Variants in CELF2 observed in about 807,000 individuals in gnomAD.
The protein encoded by CELF2 is CUG triplet repeat RNA-binding protein 2.
In CELF2, 8 loss-of-function variants were observed where a neutral mutation model predicts 62.6. The observed-to-expected ratio is 0.13, with a 90% CI of 0.07 to 0.23. The LOEUF is 0.23. CELF2 is among the 10% of genes least tolerant of loss of function. The pLI, the probability that CELF2 is intolerant of heterozygous loss-of-function variation, is 1.00. For synonymous variants in CELF2, 258 were observed against 250.0 expected (o/e 1.03, Z -0.30); for missense variants, 333 against 671.0 (o/e 0.50, Z 5.56).
the CELF2 span, among the ~76,000 whole-genome samples, chr10:10,568,309 A>G: frequency 6.6e-6 from 1 of 151,578 alleles, no homozygotes; most frequent in Non-Finnish European, 1.5e-5. Context: ...ATGAGTCCGG[A>G]GAAAAAAAAA....
chr10:11,052,495 G>T (rs186350663), intron 1 of CELF2, among the ~76,000 whole-genome samples: 1 of 152,068 alleles, frequency 6.6e-6, no homozygotes, highest in African/African-American at 2.4e-5. Flanking sequence ...ATTGTTGCAC[G>T]GTCCTTGGGT....
In CELF2 at chr10:11,302,466, T is replaced by A. The variant is rs1476808731; in HGVS notation, c.977-11673T>A. ...CTGTAACTTTACAGTAACGATCTTC[T>A]CCATTAAATGTGTCTGTGGCTGCAG... On this transcript the variant is annotated intron_variant, in intron 9 of 12. Coordinates refer to ENST00000633077, the MANE Select transcript of CELF2 (RefSeq NM_001326342.2). The surrounding 1 kb of genome is among the most constrained non-coding windows in gnomAD (Gnocchi z 5.0). Among the ~76,000 whole-genome samples the A allele has an allele frequency of 6.6e-6, 1 of 152,172 alleles. No individual in the cohort carries two copies. The highest frequency in any genetic ancestry group is 1.5e-5 in the Non-Finnish European group (1 of 68,028).
chr10:11,056,540 G>A (rs2065279340), intron 1 of CELF2, among the ~76,000 whole-genome samples: 1 of 152,240 alleles, frequency 6.6e-6, no homozygotes, highest in Non-Finnish European at 1.5e-5. Flanking sequence ...AAAGATGGAT[G>A]TGGTTGGATC....
chr10:10,723,408 G>C, the CELF2 span, among the ~76,000 whole-genome samples: 1 of 152,210 alleles, frequency 6.6e-6, no homozygotes, highest in Non-Finnish European at 1.5e-5. Context: ...CATCAACAGA[G>C]AGCTGCCCTA....
chr10:10,647,608 G>C, the CELF2 span, among the ~76,000 whole-genome samples: 1 of 152,110 alleles, frequency 6.6e-6, no homozygotes, highest in East Asian at 1.9e-4. Flanking sequence ...GTGCCTCCGT[G>C]GACAGCACTT....
intron 1 of CELF2, among the ~76,000 whole-genome samples, chr10:10,866,058 G>A (rs1048227839): frequency 6.6e-6 from 1 of 152,090 alleles, no homozygotes; most frequent in Non-Finnish European, 1.5e-5. Flanking sequence ...TGGTAGGCAT[G>A]TTCACACTGG....
At chr10:10,943,115 C>T (rs2047230224) in intron 2 of CELF2, among the ~76,000 whole-genome samples, 1 of 152,206 alleles carries the variant, frequency 6.6e-6, no homozygotes, top group Non-Finnish European at 1.5e-5. Flanking sequence ...GTTGTCCTTC[C>T]TGTCTATATA....
chr10:11,214,732 G>A lies in CELF2; in HGVS notation c.272-2693G>A, dbSNP rs1317875331. ...CACACTGGAACTAGAGCTTCTCTTG[G>A]CATGATGTTAAAGAATACCTGTTTA... On this transcript the variant is annotated intron_variant, in intron 2 of 12. Coordinates refer to ENST00000633077, the MANE Select transcript of CELF2 (RefSeq NM_001326342.2). This position sits in a 1 kb window ranked among gnomAD's most constrained non-coding sequence, Gnocchi z 4.2. 6.6e-6 allele frequency among the ~76,000 whole-genome samples: 1 copy of A among 152,198 alleles called. No individual in the cohort carries two copies. Among genetic ancestry groups the A allele is most frequent in the Non-Finnish European group, 1.5e-5 (1 of 68,042 alleles).
the CELF2 span, among the ~76,000 whole-genome samples, chr10:10,571,765 T>A: frequency 1.3e-5 from 2 of 152,068 alleles, no homozygotes; most frequent in Admixed American, 1.3e-4. Flanking sequence ...TCTAATGGAG[T>A]GACCGTGGGT....
chr10:10,894,973 C>T (rs545377938), intron 1 of CELF2, among the ~76,000 whole-genome samples: 16 of 152,206 alleles, frequency 1.1e-4, no homozygotes, highest in South Asian at 1.0e-3. Context: ...AATATGAGTC[C>T]GTATTCATTG....
chr10:10,671,573 T>C, the CELF2 span, among the ~76,000 whole-genome samples: 1 of 152,202 alleles, frequency 6.6e-6, no homozygotes, highest in African/African-American at 2.4e-5. Context: ...GAGTTCCTGT[T>C]ACTCACATCC....
chr10:11,040,240 A>G (rs945249386), intron 1 of CELF2, among the ~76,000 whole-genome samples: 10 of 152,192 alleles, frequency 6.6e-5, no homozygotes, highest in Non-Finnish European at 1.3e-4. Flanking sequence ...GCCTCCAACA[A>G]TATGGAGATA....
At chr10:10,658,670 G>T in the CELF2 span, among the ~76,000 whole-genome samples, 1 of 152,160 alleles carries the variant, frequency 6.6e-6, no homozygotes, top group Non-Finnish European at 1.5e-5. Flanking sequence ...GGCATCTTCA[G>T]GAAGTCAAAC....
At chr10:10,956,806 C>T (rs1445976898) in intron 2 of CELF2, among the ~76,000 whole-genome samples, 9 of 152,110 alleles carry the variant, frequency 5.9e-5, no homozygotes, top group Admixed American at 3.3e-4. Context: ...TTGTGGTGTG[C>T]ACCTATAGTC....
At chr10:11,118,173 C>T (rs988373408) in intron 1 of CELF2, among the ~76,000 whole-genome samples, 9 of 151,912 alleles carry the variant, frequency 5.9e-5, no homozygotes, top group Non-Finnish European at 8.8e-5. Flanking sequence ...TTTAGTAGCG[C>T]CAACTGAGGG....
the CELF2 span, among the ~76,000 whole-genome samples, chr10:10,540,186 G>T: frequency 6.6e-6 from 1 of 152,174 alleles, no homozygotes; most frequent in Non-Finnish European, 1.5e-5. Context: ...TTTTAACAGT[G>T]TCACAGTCCC....
the CELF2 span, among the ~76,000 whole-genome samples, chr10:10,463,213 G>T: frequency 6.6e-6 from 1 of 152,126 alleles, no homozygotes; most frequent in African/African-American, 2.4e-5. Flanking sequence ...TGCTAACTTT[G>T]TTCCTCAAAA....
At chr10:10,742,262 A>G in the CELF2 span, among the ~76,000 whole-genome samples, 3 of 152,212 alleles carry the variant, frequency 2.0e-5, no homozygotes, top group Non-Finnish European at 2.9e-5. Flanking sequence ...CCAAGAACCT[A>G]TTAACAAGGT....
chr10:11,321,098 G>A lies in CELF2; in HGVS notation c.1097-91G>A. 1 of 1,396,016 alleles carries A rather than the reference G, an allele frequency of 7.2e-7. No homozygotes were observed. The highest frequency in any genetic ancestry group is 1.8e-4 in the Middle Eastern group (1 of 5,652). The allele number at this position is 1,396,016 out of a possible 1,614,324, so 86.5% of individuals were successfully genotyped here. On this transcript the variant is annotated intron_variant, in intron 10 of 12. Coordinates refer to ENST00000633077, the MANE Select transcript of CELF2 (RefSeq NM_001326342.2). The surrounding 1 kb of genome is among the most constrained non-coding windows in gnomAD (Gnocchi z 6.2). ...GTGCTAGCTGCATGTACTTGCTGTT[G>A]TACTGTGTTTAAATGATTCTCTAAC...
Sources: allele counts gnomAD v4.1 joint callset (sites outside exome capture counted in the v4.1 genomes callset), GRCh38; gene constraint gnomAD v4.1.1; non-coding constraint Gnocchi (gnomAD v3.1); transcripts MANE v1.5; gene names NCBI Gene and HGNC (gene_info 2026-07-23, HGNC 2026-07-21).